The following TENM3 variants were observed in gnomAD, a reference collection of about 807,000 sequenced individuals.
TENM3 encodes teneurin-3.
Under a neutral mutation model 255.1 loss-of-function variants are expected in TENM3, and 63 were observed. That is an observed-to-expected ratio of 0.25 (90% CI 0.20 to 0.30). The LOEUF (loss-of-function observed/expected upper bound fraction) is 0.30. TENM3 is among the 10% of genes least tolerant of loss of function. The pLI is 1.00. For synonymous variants in TENM3, 1,306 were observed against 1,322.3 expected (o/e 0.99, Z 0.27); for missense variants, 2,929 against 3,461.1 (o/e 0.85, Z 3.86).
At chr4:181,665,527 G>A in the TENM3 span, among the ~76,000 whole-genome samples, 5 of 151,940 alleles carry the variant, frequency 3.3e-5, no homozygotes, top group South Asian at 2.1e-4. Context: ...CATCGCGTGC[G>A]TGTGTGTATA....
chr4:181,535,583 A>G, the TENM3 span, among the ~76,000 whole-genome samples: 1 of 152,176 alleles, frequency 6.6e-6, no homozygotes, highest in Admixed American at 6.5e-5. Context: ...ATCTCACTCC[A>G]GGTAAAAGGT....
At chr4:182,614,280 AC>A (rs1225552201) in intron 4 of TENM3, among the ~76,000 whole-genome samples, 2 of 152,174 alleles carry the variant, frequency 1.3e-5, no homozygotes, top group African/African-American at 4.8e-5. Flanking sequence ...TTCCTATAAA[AC>A]ATTTATCATT....
At chr4:182,240,283 G>C (rs531360587), upstream of TENM3, among the ~76,000 whole-genome samples, 13 of 152,234 alleles carry the variant, frequency 8.5e-5, no homozygotes, top group South Asian at 1.7e-3. Flanking sequence ...TGTCATGGAC[G>C]TCCACTGAGA....
At chr4:182,512,924 G>A (rs1580791075) in intron 3 of TENM3, among the ~76,000 whole-genome samples, 1 of 152,144 alleles carries the variant, frequency 6.6e-6, no homozygotes. Context: ...TACTGTTTTA[G>A]CACATAAGAA....
At chr4:182,147,817 G>A (rs570499744) in intron 1 of TENM3, among the ~76,000 whole-genome samples, 2 of 152,236 alleles carry the variant, frequency 1.3e-5, no homozygotes, top group South Asian at 4.1e-4. Flanking sequence ...CTTGTAAAGT[G>A]GAATGATAGC....
At chr4:181,891,575 C>T in the TENM3 span, among the ~76,000 whole-genome samples, 1 of 152,276 alleles carries the variant, frequency 6.6e-6, no homozygotes, top group East Asian at 1.9e-4. Flanking sequence ...CTCAGACTTT[C>T]TACTCTTGCT....
At chr4:182,428,190 A>T (rs1488636618) in intron 3 of TENM3, among the ~76,000 whole-genome samples, 1 of 152,186 alleles carries the variant, frequency 6.6e-6, no homozygotes, top group East Asian at 1.9e-4. Context: ...TTTGGAAAGT[A>T]AAGATTTAGA....
chr4:182,461,824 C>T (rs181605962), intron 3 of TENM3, among the ~76,000 whole-genome samples: 39 of 152,204 alleles, frequency 2.6e-4, no homozygotes, highest in African/African-American at 8.2e-4. Flanking sequence ...TGAATGAGAC[C>T]CAGAAAGACC....
the TENM3 span, among the ~76,000 whole-genome samples, chr4:181,611,297 G>T: frequency 6.6e-6 from 1 of 152,156 alleles, no homozygotes; most frequent in Non-Finnish European, 1.5e-5. Flanking sequence ...CTCTGGGCGT[G>T]CCGCAGACAA....
chr4:182,262,364 G>C (rs1758858485), intron 1 of TENM3, among the ~76,000 whole-genome samples: 1 of 152,186 alleles, frequency 6.6e-6, no homozygotes, highest in Non-Finnish European at 1.5e-5. Flanking sequence ...TTTTCGGACA[G>C]TGAAGGCATT....
chr4:181,987,590 C>T, the TENM3 span, among the ~76,000 whole-genome samples: 1 of 152,084 alleles, frequency 6.6e-6, no homozygotes, highest in Non-Finnish European at 1.5e-5. Flanking sequence ...GAGTGTTGTC[C>T]TTCAGCTTGC....
the TENM3 span, among the ~76,000 whole-genome samples, chr4:181,759,514 T>C: frequency 6.6e-6 from 1 of 152,118 alleles, no homozygotes; most frequent in African/African-American, 2.4e-5. Flanking sequence ...AAAAGGAGTA[T>C]TATGGAAGTG....
chr4:181,569,569 G>T, the TENM3 span, among the ~76,000 whole-genome samples: 32 of 152,184 alleles, frequency 2.1e-4, no homozygotes, highest in Admixed American at 3.9e-4. Context: ...GAATTTACCT[G>T]GGTTCTCACT....
chr4:182,388,078 G>A (rs1229727192), intron 3 of TENM3, among the ~76,000 whole-genome samples: 3 of 152,118 alleles, frequency 2.0e-5, no homozygotes, highest in Non-Finnish European at 4.4e-5. Context: ...AAATTATGAG[G>A]AATTAAACCT....
At chr4:182,619,223 C>A (rs1282910478) in intron 4 of TENM3, among the ~76,000 whole-genome samples, 1 of 151,938 alleles carries the variant, frequency 6.6e-6, no homozygotes, top group South Asian at 2.1e-4. Context: ...GTCAGGAGAT[C>A]AAGACCATCC....
chr4:182,339,952 G>A (rs1764381902), intron 2 of TENM3, among the ~76,000 whole-genome samples: 1 of 151,900 alleles, frequency 6.6e-6, no homozygotes, highest in Non-Finnish European at 1.5e-5. Context: ...AATTACAAAT[G>A]TTTGCTAAAG....
At chr4:182,120,880 G>A in the TENM3 span, among the ~76,000 whole-genome samples, 1 of 152,200 alleles carries the variant, frequency 6.6e-6, no homozygotes, top group African/African-American at 2.4e-5. Flanking sequence ...CAGAGGATCA[G>A]ATCATGCAAG....
At chr4:181,712,699 G>A in the TENM3 span, among the ~76,000 whole-genome samples, 1 of 152,098 alleles carries the variant, frequency 6.6e-6, no homozygotes, top group Non-Finnish European at 1.5e-5. Flanking sequence ...TGGGACTGCA[G>A]TTTATTATAC....
chr4:181,783,597 G>A, the TENM3 span, among the ~76,000 whole-genome samples: 3 of 152,000 alleles, frequency 2.0e-5, no homozygotes, highest in Non-Finnish European at 4.4e-5. Flanking sequence ...AATTTTATCA[G>A]AATTGCATTT....
Sources: gnomAD v4.1 joint callset for allele counts (sites outside exome capture counted in the v4.1 genomes callset) on GRCh38, gnomAD v4.1.1 for gene constraint, MANE v1.5 for transcripts, NCBI Gene and HGNC (gene_info 2026-07-23, HGNC 2026-07-21) for gene names.